CEP120: variants seen among roughly 807,000 people sequenced by gnomAD.
CEP120 encodes the protein centrosomal protein of 120 kDa.
CEP120 carries 113 observed loss-of-function variants against 126.5 expected under a neutral mutation model. That is an observed-to-expected ratio of 0.89 (90% CI 0.77 to 1.04). CEP120 has a LOEUF of 1.04. Ranked by LOEUF, CEP120 falls within the 50% of genes least tolerant of loss-of-function variation. The pLI is 0.00. For missense variants in CEP120, 1,230 were observed against 1,155.7 expected (o/e 1.06, Z -0.93); for synonymous variants, 400 against 394.3 (o/e 1.01, Z -0.17).
At chr5:123,405,165 A>T (rs764158318) in intron 4 of CEP120, among the ~76,000 whole-genome samples, 1 of 152,232 alleles carries the variant, frequency 6.6e-6, no homozygotes, top group Admixed American at 6.5e-5. Context: ...ACAGGGAGCT[A>T]CGGAGAATCA....
intron 1 of CEP120, chr5:123,422,431 G>C: frequency 7.8e-7 from 1 of 1,287,064 alleles, no homozygotes; most frequent in Non-Finnish European, 1.1e-6. Context: ...CACTCAATGA[G>C]TCCCAATAAA....
intron 6 of CEP120, among the ~76,000 whole-genome samples, chr5:123,392,255 T>C (rs1772455608): frequency 6.6e-6 from 1 of 152,216 alleles, no homozygotes; most frequent in Non-Finnish European, 1.5e-5. Context: ...ATATGTTAGA[T>C]ACAGAATAAA....
At chr5:123,411,688 G>A (rs1333992303) in intron 4 of CEP120, among the ~76,000 whole-genome samples, 2 of 152,208 alleles carry the variant, frequency 1.3e-5, no homozygotes, top group Admixed American at 6.5e-5. Flanking sequence ...GGGGATGGGA[G>A]GAGGGAGGAA....
chr5:123,381,000 G>A (rs746442137), intron 14 of CEP120, among the ~76,000 whole-genome samples: 11 of 151,916 alleles, frequency 7.2e-5, no homozygotes, highest in Non-Finnish European at 1.3e-4. Flanking sequence ...AAGTTCACTG[G>A]TTATTCAAGT....
intron 18 of CEP120, among the ~76,000 whole-genome samples, chr5:123,352,226 C>T (rs1462654058): frequency 6.6e-6 from 1 of 152,028 alleles, no homozygotes; most frequent in Non-Finnish European, 1.5e-5. Flanking sequence ...TCCCAGTAGT[C>T]TTCGGCCTGT....
intron 19 of CEP120, among the ~76,000 whole-genome samples, chr5:123,348,779 G>T (rs1203306168): frequency 1.3e-5 from 2 of 152,152 alleles, no homozygotes; most frequent in Non-Finnish European, 2.9e-5. Flanking sequence ...AGACAATCAG[G>T]TTTAGATGAG....
At chr5:123,400,566 G>A (rs1333499425) in intron 4 of CEP120, among the ~76,000 whole-genome samples, 13 of 150,642 alleles carry the variant, frequency 8.6e-5, no homozygotes, top group African/African-American at 9.8e-5. Flanking sequence ...ATACTGAAGC[G>A]TCTATATACA....
chr5:123,376,078 G>C (rs931998967), intron 16 of CEP120, among the ~76,000 whole-genome samples: 5 of 151,130 alleles, frequency 3.3e-5, no homozygotes, highest in East Asian at 2.0e-4. Flanking sequence ...CTATAAACCA[G>C]AACAGTTTTT....
chr5:123,423,634 G>T (rs184978129), upstream of CEP120: 198 of 152,752 alleles, frequency 1.3e-3, 2 homozygotes, highest in Admixed American at 2.3e-3. Flanking sequence ...CGTGAGTGTA[G>T]CGTATTACCT....
intron 14 of CEP120, among the ~76,000 whole-genome samples, chr5:123,380,933 G>A (rs1209794838): frequency 6.6e-6 from 1 of 151,942 alleles, no homozygotes; most frequent in Non-Finnish European, 1.5e-5. Context: ...TTATCTGAAC[G>A]TTTCTAAAGA....
In CEP120 at chr5:123,393,370, C is replaced by T. The variant is rs1488210838; in HGVS notation, c.740G>A (p.Arg247Lys). The change falls in exon 6 of 20, where the codon AGA becomes AAA. Residue 247 changes from arginine (R) to lysine (K), a missense_variant. Coordinates refer to ENST00000306467, the MANE Select transcript of CEP120 (RefSeq NM_001375405.1). ...DLINPNFEPE[R>K]ASVRIRSSVE... ...ACTGCTACGGATGCGAACTGATGCT[C>T]TCTCTGGCTCAAAGTTTGGGTTGAT... 6.2e-7 allele frequency: 1 copy of T among 1,614,022 alleles called. No homozygotes were observed. Among genetic ancestry groups the T allele is most frequent in the Non-Finnish European group, 8.5e-7 (1 of 1,180,028 alleles).
intron 1 of CEP120, among the ~76,000 whole-genome samples, 182 bp from the exon 2 acceptor site, chr5:123,418,697 C>T (rs184898356): frequency 1.2e-3 from 188 of 151,736 alleles, no homozygotes; most frequent in African/African-American, 4.3e-3. Flanking sequence ...CCCAGGTTCA[C>T]GCGATTCTCC....
At chr5:123,402,955 T>TAG (rs1012865227) in intron 4 of CEP120, among the ~76,000 whole-genome samples, 2 of 152,216 alleles carry the variant, frequency 1.3e-5, no homozygotes, top group African/African-American at 4.8e-5. Flanking sequence ...TGTGAGGATG[T>TAG]AGGACGAAGT....
At chr5:123,348,459 G>A (rs1332204246) in intron 19 of CEP120, among the ~76,000 whole-genome samples, 4 of 152,108 alleles carry the variant, frequency 2.6e-5, no homozygotes, top group Non-Finnish European at 5.9e-5. Flanking sequence ...TCTACAACAT[G>A]GTAGATACCA....
At chr5:123,388,311 T>C (rs1272593341) in intron 9 of CEP120, 121 bp downstream of exon 9, 6 of 602,192 alleles carry the variant, frequency 1.0e-5, no homozygotes, top group Admixed American at 3.7e-5. Context: ...TACCCCCTTT[T>C]AGTCCACTGA....
intron 4 of CEP120, among the ~76,000 whole-genome samples, chr5:123,403,010 C>T (rs1215380706): frequency 6.6e-6 from 1 of 152,218 alleles, no homozygotes; most frequent in Non-Finnish European, 1.5e-5. Flanking sequence ...TCCCAGCCTC[C>T]AGCACTGCGA....
At chr5:123,364,869 A>G (rs369464800) in intron 17 of CEP120, among the ~76,000 whole-genome samples, 1 of 151,664 alleles carries the variant, frequency 6.6e-6, no homozygotes, top group Non-Finnish European at 1.5e-5. Context: ...GTATTTAAAC[A>G]TATATATTAT....
chr5:123,423,487 C>T (rs1774864181), upstream of CEP120: 1 of 162,416 alleles, frequency 6.2e-6, no homozygotes, highest in African/African-American at 2.4e-5. Flanking sequence ...TTCCAGAGCC[C>T]TAAGGAGGAC....
intron 18 of CEP120, among the ~76,000 whole-genome samples, chr5:123,355,022 G>A (rs1454910545): frequency 1.3e-5 from 2 of 150,976 alleles, no homozygotes; most frequent in Admixed American, 1.3e-4. Context: ...ACCTATGAGT[G>A]AGAACATGCG....
Sources: allele counts gnomAD v4.1 joint callset (sites outside exome capture counted in the v4.1 genomes callset), GRCh38; gene constraint gnomAD v4.1.1; transcripts MANE v1.5; gene names NCBI Gene and HGNC (gene_info 2026-07-23, HGNC 2026-07-21).